Variants in TMPRSS11A observed in about 807,000 individuals in gnomAD.
TMPRSS11A encodes the protein transmembrane protease serine 11A.
TMPRSS11A carries 53 observed loss-of-function variants against 58.9 expected under a neutral mutation model. That is an observed-to-expected ratio of 0.90 (90% confidence interval 0.72 to 1.13). The LOEUF (loss-of-function observed/expected upper bound fraction) is 1.13, where lower values mean the gene tolerates loss of function less well. Ranked by LOEUF, TMPRSS11A falls within the 50% of genes most tolerant of loss-of-function variation. TMPRSS11A has a pLI of 0.00. For missense variants in TMPRSS11A, 493 were observed against 499.3 expected, an observed-to-expected ratio of 0.99 and a Z score of 0.12; for synonymous variants, 167 against 169.8, an observed-to-expected ratio of 0.98 and a Z score of 0.13.
intron 8 of TMPRSS11A, among the ~76,000 whole-genome samples, chr4:67,916,311 C>T (rs1720145569): frequency 6.6e-6 from 1 of 151,808 alleles, no homozygotes; most frequent in Admixed American, 6.6e-5. Context: ...CCCTAATACA[C>T]CAGTTTCTTT....
chr4:67,944,894 G>T (rs112568836), intron 2 of TMPRSS11A, among the ~76,000 whole-genome samples: 4 of 152,214 alleles, frequency 2.6e-5, no homozygotes, highest in African/African-American at 9.6e-5. Context: ...CTCTAAGATT[G>T]GTATCACCTT....
At chr4:67,940,253 T>C (rs544472138) in intron 3 of TMPRSS11A, among the ~76,000 whole-genome samples, 1 of 152,294 alleles carries the variant, frequency 6.6e-6, no homozygotes, top group South Asian at 2.1e-4. Flanking sequence ...CTTCATAGAA[T>C]GATTTAGGAA....
intron 1 of TMPRSS11A, among the ~76,000 whole-genome samples, chr4:67,963,069 C>T (rs1721476491): frequency 6.6e-6 from 1 of 152,182 alleles, no homozygotes; most frequent in Non-Finnish European, 1.5e-5. Context: ...AAACACCCTC[C>T]TTCCACACAC....
chr4:67,938,193 G>A (rs1720797654), intron 3 of TMPRSS11A, among the ~76,000 whole-genome samples: 1 of 152,138 alleles, frequency 6.6e-6, no homozygotes, highest in Admixed American at 6.5e-5. Flanking sequence ...TGACTGCGTT[G>A]TATGTCTTCT....
chr4:67,963,425 T>C lies in TMPRSS11A; in HGVS notation c.-32A>G, dbSNP rs771789756. The C allele has an allele frequency of 6.2e-7, 1 of 1,612,300 alleles. No homozygotes were observed. Among genetic ancestry groups the C allele is most frequent in the East Asian group, 2.2e-5 (1 of 44,790 alleles). ...GAGGAAGAATATGATCTTGCAGGTC[T>C]GCACCCACTGAACTCAACTTTCTAA... On this transcript the variant is annotated 5_prime_UTR_variant, in exon 1 of 10. Coordinates refer to ENST00000508048, the MANE Select transcript of TMPRSS11A (RefSeq NM_001114387.2).
At chr4:67,913,134 A>G (rs1482226021) in intron 9 of TMPRSS11A, among the ~76,000 whole-genome samples, 4 of 152,184 alleles carry the variant, frequency 2.6e-5, no homozygotes, top group Admixed American at 6.5e-5. Context: ...GTATGGAGCT[A>G]GAAACCAGAT....
chr4:67,922,688 C>A, intron 7 of TMPRSS11A, 67 bp downstream of exon 7: 1 of 1,461,944 alleles, frequency 6.8e-7, no homozygotes, highest in South Asian at 1.3e-5. Context: ...TTAATTGTTA[C>A]CAAGAATATG....
rs115639025 is a variant in TMPRSS11A at position 67,944,156 on chromosome 4, T to A, written c.252+363A>T. Among the ~76,000 whole-genome samples the A allele has an allele frequency of 4.0e-3, 603 of 152,302 alleles. 4 individuals are homozygous for A. Among genetic ancestry groups the A allele is most frequent in the African/African-American group, 0.014 (574 of 41,568 alleles). On this transcript the variant is annotated intron_variant, in intron 3 of 9. Transcript: ENST00000508048. ...TGGTCTTACAAACAAGTGTGTGGAC[T>A]TATAAAAACTAGTTTTGATATGATT...
At chr4:67,948,154 T>C (rs866762879) in intron 1 of TMPRSS11A, among the ~76,000 whole-genome samples, 28,443 of 139,914 alleles carry the variant, frequency 0.2, 2,593 homozygotes, top group East Asian at 0.38. Context: ...TTTCTTTTTT[T>C]TTTTTTTTTT....
intron 5 of TMPRSS11A, among the ~76,000 whole-genome samples, chr4:67,926,571 G>A (rs1311747501): frequency 2.0e-5 from 3 of 152,160 alleles, no homozygotes; most frequent in South Asian, 2.1e-4. Flanking sequence ...CCAACCTCAC[G>A]TGACCAGGCA....
At chr4:67,914,224 A>G (rs1720083935) in intron 9 of TMPRSS11A, among the ~76,000 whole-genome samples, 2 of 152,340 alleles carry the variant, frequency 1.3e-5, no homozygotes, top group South Asian at 4.1e-4. Context: ...TGTTCCAAAA[A>G]TGTTTCCTTC....
intron 5 of TMPRSS11A, among the ~76,000 whole-genome samples, chr4:67,929,186 G>A (rs1225078391): frequency 6.6e-6 from 1 of 152,078 alleles, no homozygotes; most frequent in Non-Finnish European, 1.5e-5. Context: ...AGGTGAATTT[G>A]CGTACGTCAC....
intron 1 of TMPRSS11A, among the ~76,000 whole-genome samples, chr4:67,950,995 T>G (rs17088826): frequency 0.12 from 18,176 of 152,252 alleles, 3,439 homozygotes; most frequent in African/African-American, 0.4. Context: ...CACCTTTGGC[T>G]GTCACCTGGC....
At chr4:67,914,065 A>G (rs972218152) in intron 9 of TMPRSS11A, among the ~76,000 whole-genome samples, 3 of 152,140 alleles carry the variant, frequency 2.0e-5, no homozygotes, top group Admixed American at 6.5e-5. Context: ...CCAACCAATT[A>G]CTTGGAGTTC....
chr4:67,915,978 A>G (rs1173578990), intron 8 of TMPRSS11A, among the ~76,000 whole-genome samples: 3 of 152,226 alleles, frequency 2.0e-5, no homozygotes, highest in Non-Finnish European at 2.9e-5. Flanking sequence ...ACCATGATGG[A>G]TGAGAGATCT....
chr4:67,961,472 CT>C (rs1721417524), intron 1 of TMPRSS11A, among the ~76,000 whole-genome samples: 1 of 119,960 alleles, frequency 8.3e-6, no homozygotes, highest in Non-Finnish European at 1.6e-5. Context: ...CTTTCCTTTC[CT>C]TTTCTTTTCC....
intron 3 of TMPRSS11A, among the ~76,000 whole-genome samples, chr4:67,938,689 T>C (rs72851234): frequency 0.021 from 3,272 of 152,276 alleles, 124 homozygotes; most frequent in African/African-American, 0.074. Flanking sequence ...TGCTTATTTT[T>C]GTTAATTTTA....
At position 67,929,870 on chromosome 4, in the gene TMPRSS11A, A is replaced by G; in HGVS notation, c.481+10T>C. 6.3e-7 allele frequency: 1 copy of G among 1,599,850 alleles called. No homozygotes were observed. Among genetic ancestry groups the G allele is most frequent in the Non-Finnish European group, 8.5e-7 (1 of 1,170,844 alleles). On this transcript the variant is annotated intron_variant, in intron 5 of 9. Transcript: ENST00000508048. Reference sequence around the variant, plus strand: ...ACAACTTCATATCACATAGAAGGGGACCTCCTTACCATTAACTTGAACTGA... The same window carrying G: ...ACAACTTCATATCACATAGAAGGGGGCCTCCTTACCATTAACTTGAACTGA...
intron 3 of TMPRSS11A, among the ~76,000 whole-genome samples, chr4:67,941,813 G>T (rs1720884974): frequency 6.6e-6 from 1 of 152,102 alleles, no homozygotes. Flanking sequence ...TTATGTCTTA[G>T]AAGGGAAGAA....
Sources: allele counts gnomAD v4.1 joint callset (sites outside exome capture counted in the v4.1 genomes callset), GRCh38; gene constraint gnomAD v4.1.1; transcripts MANE v1.5; gene names NCBI Gene and HGNC (gene_info 2026-07-23, HGNC 2026-07-21).